TNPO1: variants seen among roughly 807,000 people sequenced by gnomAD.
TNPO1 encodes transportin-1.
A neutral mutation model predicts 119.5 loss-of-function variants in TNPO1; 8 were observed. The observed-to-expected ratio is 0.07, with a 90% CI of 0.04 to 0.12. The LOEUF (loss-of-function observed/expected upper bound fraction) is 0.12. Among genes scored for constraint, TNPO1 ranks in the 10% least tolerant of loss-of-function variants. TNPO1 has a pLI of 1.00. For synonymous variants in TNPO1, 362 were observed against 363.0 expected (o/e 1.00, Z 0.03); for missense variants, 576 against 1,089.8 (o/e 0.53, Z 6.64).
intron 6 of TNPO1, among the ~76,000 whole-genome samples, chr5:72,869,708 A>T (rs191416251): frequency 5.3e-5 from 8 of 152,338 alleles, no homozygotes; most frequent in Non-Finnish European, 8.8e-5. Context: ...AATACCTCAG[A>T]TGCTTCTGGG....
At chr5:72,880,679 G>A (rs1407254568) in intron 9 of TNPO1, among the ~76,000 whole-genome samples, 1 of 152,052 alleles carries the variant, frequency 6.6e-6, no homozygotes, top group Non-Finnish European at 1.5e-5. Context: ...AGCCAGGCAT[G>A]GTGGCGTATG....
At position 72,909,557 on chromosome 5, in the gene TNPO1, C is replaced by T. The variant is rs1466560516; in HGVS notation, c.*884C>T. 6.6e-6 allele frequency: 1 copy of T among 152,104 alleles called. No individual in the cohort carries two copies. Among genetic ancestry groups the T allele is most frequent in the Non-Finnish European group, 1.5e-5 (1 of 68,020 alleles). The allele number at this position is 152,104 out of a possible 1,614,324, so 9.4% of individuals were successfully genotyped here. ...TTTAAGGTTCAGGCATGCATTCTGG[C>T]TCATAGTGGTTGAAAGTAATTTAAA... On this transcript the variant is annotated 3_prime_UTR_variant, in exon 25 of 25. Transcript: ENST00000337273.
chr5:72,864,267 T>A (rs931924129), intron 5 of TNPO1, among the ~76,000 whole-genome samples: 5 of 152,214 alleles, frequency 3.3e-5, no homozygotes, highest in Non-Finnish European at 7.3e-5. Context: ...AAAAATATTT[T>A]CAGATTTAAT....
At chr5:72,852,070 C>T (rs908208640) in intron 3 of TNPO1, among the ~76,000 whole-genome samples, 57 of 152,130 alleles carry the variant, frequency 3.7e-4, no homozygotes, top group Non-Finnish European at 7.8e-4. Flanking sequence ...CTTCTCTGCT[C>T]TTATATGGTC....
At chr5:72,900,126 C>G in intron 21 of TNPO1, 45 bp downstream of exon 21, 3 of 1,481,950 alleles carry the variant, frequency 2.0e-6, no homozygotes, top group African/African-American at 2.8e-5. Context: ...TTTCTTCACT[C>G]TTTCTTTCTC....
rs1055965176 is a variant in TNPO1 at position 72,910,880 on chromosome 5, G to T, written c.*2207G>T. The T allele has an allele frequency of 1.3e-5, 2 of 151,954 alleles. No individual in the cohort carries two copies. The highest frequency in any genetic ancestry group is 2.4e-5 in the African/African-American group (1 of 41,370). The allele number at this position is 151,954 out of a possible 1,614,324, so 9.4% of individuals were successfully genotyped here. ...TTGGCTTTGCAAATTTCAGTCTGTA[G>T]AGCCTGAAATTAAATTATTTTATAG... On this transcript the variant is annotated 3_prime_UTR_variant, in exon 25 of 25. Coordinates refer to ENST00000337273, the MANE Select transcript of TNPO1 (RefSeq NM_002270.4).
chr5:72,866,569 C>T (rs779234614), intron 6 of TNPO1, among the ~76,000 whole-genome samples: 14 of 151,858 alleles, frequency 9.2e-5, no homozygotes, highest in Admixed American at 2.0e-4. Flanking sequence ...GCCTGGGCAA[C>T]GTGATGAGAC....
intron 1 of TNPO1, among the ~76,000 whole-genome samples, chr5:72,844,153 A>C (rs1745030352): frequency 6.6e-6 from 1 of 152,230 alleles, no homozygotes; most frequent in Non-Finnish European, 1.5e-5. Context: ...TATTGCCAGG[A>C]CAGACCTAGA....
intron 9 of TNPO1, among the ~76,000 whole-genome samples, chr5:72,881,142 ACT>A (rs1008005772): frequency 1.2e-4 from 18 of 151,574 alleles, no homozygotes; most frequent in Admixed American, 3.3e-4. Context: ...ATGGAGTCGC[ACT>A]CTGTTTCCCA....
chr5:72,848,721 C>T (rs1218568969), intron 2 of TNPO1, among the ~76,000 whole-genome samples: 1 of 147,690 alleles, frequency 6.8e-6, no homozygotes, highest in East Asian at 2.0e-4. Context: ...CCGCGTGGGG[C>T]TCACGCCGCC....
At chr5:72,846,559 T>A (rs1745139895) in intron 1 of TNPO1, among the ~76,000 whole-genome samples, 1 of 152,176 alleles carries the variant, frequency 6.6e-6, no homozygotes, top group South Asian at 2.1e-4. Flanking sequence ...AACCATGTTG[T>A]TTGATTTATT....
chr5:72,879,533 C>G (rs1293332523), intron 9 of TNPO1, among the ~76,000 whole-genome samples: 1 of 152,130 alleles, frequency 6.6e-6, no homozygotes, highest in Non-Finnish European at 1.5e-5. Flanking sequence ...TTATGTCTTC[C>G]CTACTACTGT....
rs1396936846 is a variant in TNPO1 at position 72,913,741 on chromosome 5, G to C, written c.*5068G>C. On this transcript the variant is annotated 3_prime_UTR_variant, in exon 25 of 25. Transcript: ENST00000337273. ...CAGTGTTGGTCCCCTTCTAATATTG[G>C]CCTCATAAAGGGGTTCCACTGTACT... 6.6e-6 allele frequency: 1 copy of C among 152,446 alleles called. No homozygotes were observed. Among genetic ancestry groups the C allele is most frequent in the Non-Finnish European group, 1.5e-5 (1 of 67,950 alleles). The allele number at this position is 152,446 out of a possible 1,614,324, so 9.4% of individuals were successfully genotyped here.
In TNPO1 at chr5:72,868,458, A is replaced by AACAC. The variant is rs70973208; in HGVS notation, c.596+2731_596+2734dup. The stretch of plus-strand genomic sequence containing the variant: ...AAAAAAAAAAAAAAAAAAAAAAAAA[A>AACAC]ACACAAAATAATATATCAGGCATTT... On this transcript the variant is annotated intron_variant, in intron 6 of 24. Transcript: ENST00000337273. Among the ~76,000 whole-genome samples, 66 of 113,404 alleles carry AACAC rather than the reference A, an allele frequency of 5.8e-4. 4 individuals carry two copies. The highest frequency in any genetic ancestry group is 1.0e-3 in the Non-Finnish European group (48 of 46,748). The allele number at this position is 113,404 out of a possible 152,430, so 74.4% of individuals were successfully genotyped here. A position where few individuals can be genotyped will look rare whatever the true frequency, so the allele number is the denominator to read the frequency against.
In TNPO1 at chr5:72,900,099, T is replaced by C. The variant is rs752939883; in HGVS notation, c.2414+18T>C. On this transcript the variant is annotated intron_variant, in intron 21 of 24. Transcript: ENST00000337273. ...AGACCCTGGTGTGTATTATTCAATCTTTTTTTTTAATTCATTTTTCTTCAC... is the reference window on the plus strand; with the variant it reads ...AGACCCTGGTGTGTATTATTCAATCCTTTTTTTTAATTCATTTTTCTTCAC... The C allele has an allele frequency of 2.0e-6, 3 of 1,511,434 alleles. No homozygotes were observed. In the Admixed American group the frequency reaches 5.3e-5, roughly 27 times the overall value. The allele number at this position is 1,511,434 out of a possible 1,614,324, so 93.6% of individuals were successfully genotyped here.
rs1417374369 is a variant in TNPO1 at position 72,912,565 on chromosome 5, T to G, written c.*3892T>G. On this transcript the variant is annotated 3_prime_UTR_variant, in exon 25 of 25. Coordinates refer to ENST00000337273, the MANE Select transcript of TNPO1 (RefSeq NM_002270.4). ...TTTCATTGAGAATCTTTCCATTTAG[T>G]CTGATTTTTTTCCTAATATTCTAGC... The G allele has an allele frequency of 6.6e-6, 1 of 152,448 alleles. No homozygotes were observed. Among genetic ancestry groups the G allele is most frequent in the Non-Finnish European group, 1.5e-5 (1 of 67,906 alleles). The allele number at this position is 152,448 out of a possible 1,614,324, so 9.4% of individuals were successfully genotyped here.
chr5:72,830,168 A>G (rs16901618), intron 1 of TNPO1, among the ~76,000 whole-genome samples: 73,772 of 151,962 alleles, frequency 0.49, 19,083 homozygotes, highest in Admixed American at 0.61. Context: ...ATAAGGTGCT[A>G]ATAAAAATTC....
chr5:72,855,938 A>G lies in TNPO1; in HGVS notation c.355+15A>G. On this transcript the variant is annotated intron_variant, in intron 4 of 24. Coordinates refer to ENST00000337273, the MANE Select transcript of TNPO1 (RefSeq NM_002270.4). ...AGCCACTGTTGGTAAGTTATATTAC[A>G]ACAGTTTTGCTTACTTTGTTTGTAA... 1.2e-6 allele frequency: 2 copies of G among 1,611,888 alleles called. No homozygotes were observed. Among genetic ancestry groups the G allele is most frequent in the Non-Finnish European group, 1.7e-6 (2 of 1,179,026 alleles).
chr5:72,868,347 G>A (rs990069641), intron 6 of TNPO1, among the ~76,000 whole-genome samples: 7 of 139,016 alleles, frequency 5.0e-5, no homozygotes, highest in East Asian at 2.4e-4. Context: ...CAGGAGAATG[G>A]CATGAACCTG....
Sources: allele counts gnomAD v4.1 joint callset (sites outside exome capture counted in the v4.1 genomes callset), GRCh38; gene constraint gnomAD v4.1.1; transcripts MANE v1.5; gene names NCBI Gene and HGNC (gene_info 2026-07-23, HGNC 2026-07-21).